Variants in TIMD4 observed in about 807,000 individuals in gnomAD.
TIMD4 encodes the protein T cell immunoglobulin and mucin domain containing 4.
Under a neutral mutation model 41.2 loss-of-function variants are expected in TIMD4, and 31 were observed. The observed-to-expected ratio is 0.75, with a 90% confidence interval of 0.57 to 1.01. The LOEUF is 1.01. TIMD4 is among the 50% of genes least tolerant of loss of function. The pLI is 0.00. For synonymous variants in TIMD4, 204 were observed against 177.1 expected (o/e 1.15, Z -1.21); for missense variants, 479 against 472.5 (o/e 1.01, Z -0.13).
At chr5:156,951,422 T>TCA (rs1759850567) in intron 3 of TIMD4, 90 bp downstream of exon 3, 110 of 1,469,794 alleles carry the variant, frequency 7.5e-5, no homozygotes, top group Non-Finnish European at 8.7e-5. Context: ...ACGCACACAC[T>TCA]CACACACACA....
chr5:156,948,130 G>A (rs1394676523), intron 5 of TIMD4, among the ~76,000 whole-genome samples: 1 of 152,086 alleles, frequency 6.6e-6, no homozygotes, highest in Non-Finnish European at 1.5e-5. Flanking sequence ...CCACGAAGGA[G>A]CCAGAATAGT....
chr5:156,957,208 T>A (rs180825435), intron 1 of TIMD4, among the ~76,000 whole-genome samples: 25 of 152,246 alleles, frequency 1.6e-4, no homozygotes, highest in Middle Eastern at 3.4e-3. Context: ...TGGAAATGTT[T>A]CCCAGATTAT....
rs376794146 is a variant in TIMD4 at position 156,963,221 on chromosome 5, G to T, written c.-23C>A. 120 of 1,613,824 alleles carry T rather than the reference G, an allele frequency of 7.4e-5. No homozygotes were observed. The highest frequency in any genetic ancestry group is 9.6e-5 in the Non-Finnish European group (113 of 1,179,832). ...CATTTTGACGGTTGACCGGACCCAG[G>T]AGTCTGTCTATCTATCCAAAGCCCA... On this transcript the variant is annotated 5_prime_UTR_variant, in exon 1 of 9. Coordinates refer to ENST00000274532, the MANE Select transcript of TIMD4 (RefSeq NM_138379.3).
rs193211237 is a variant in TIMD4 at position 156,933,606 on chromosome 5, C to A, written c.845-7294G>T. Among the ~76,000 whole-genome samples, 10 of 150,566 alleles carry A rather than the reference C, an allele frequency of 6.6e-5. No individual in the cohort carries two copies. The East Asian group carries it at 2.0e-3, about 30-fold the overall frequency. On this transcript the variant is annotated intron_variant, in intron 5 of 8. Coordinates refer to ENST00000274532, the MANE Select transcript of TIMD4 (RefSeq NM_138379.3). The stretch of plus-strand genomic sequence containing the variant: ...TGTTTGAGACAGAGTCTCACTCTGT[C>A]TCCCAGACTGGAGTGCAGTGGTGCG...
At chr5:156,950,214 C>G (rs1421450093) in intron 3 of TIMD4, among the ~76,000 whole-genome samples, 1 of 152,144 alleles carries the variant, frequency 6.6e-6, no homozygotes, top group African/African-American at 2.4e-5. Flanking sequence ...GATCCTCCTG[C>G]GTCAACCTCT....
chr5:156,947,054 C>T (rs1759757572), intron 5 of TIMD4, among the ~76,000 whole-genome samples: 3 of 151,846 alleles, frequency 2.0e-5, no homozygotes, highest in Non-Finnish European at 4.4e-5. Context: ...AAAAATTAGC[C>T]AGGCATGGTG....
rs114506277 is a variant in TIMD4 at position 156,937,465 on chromosome 5, C to G, written c.844+10951G>C. On this transcript the variant is annotated intron_variant, in intron 5 of 8. Coordinates refer to ENST00000274532, the MANE Select transcript of TIMD4 (RefSeq NM_138379.3). Reference sequence around the variant, plus strand: ...GTGAAATCAGAGACCTCTCCAGTGCCTAGAAACCCCTCCCTGGCTCTGCAT... The same window carrying G: ...GTGAAATCAGAGACCTCTCCAGTGCGTAGAAACCCCTCCCTGGCTCTGCAT... Among the ~76,000 whole-genome samples, 1,386 of 152,306 alleles carry G rather than the reference C, an allele frequency of 9.1e-3. 16 individuals carry two copies. Among genetic ancestry groups the G allele is most frequent in the African/African-American group, 0.031 (1,306 of 41,556 alleles).
At chr5:156,920,067 A>T (rs917937260) in intron 8 of TIMD4, among the ~76,000 whole-genome samples, 2 of 152,204 alleles carry the variant, frequency 1.3e-5, no homozygotes, top group Non-Finnish European at 2.9e-5. Flanking sequence ...GGGCAGAGGA[A>T]CCAACTCCCA....
rs562289861 is a variant in TIMD4, at chr5:156,922,154, G to A, written c.957C>T (p.Ile319=). The change falls in exon 7 of 9, where the codon ATC becomes ATT. Residue 319 remains isoleucine (I), a synonymous_variant. Transcript: ENST00000274532. ...EMPISQLLMI[I]APSLGFVLFA... ...AGAGCACAAATCCCAAGGAGGGGGC[G>A]ATGATCATCAGTAGTTGGGAGATGG... 2.7e-5 allele frequency: 43 copies of A among 1,614,022 alleles called. No individual in the cohort carries two copies. The Admixed American group carries it at 5.7e-4, about 21-fold the overall frequency.
chr5:156,924,107 A>T, intron 6 of TIMD4: 1 of 252,340 alleles, frequency 4.0e-6, no homozygotes, highest in Non-Finnish European at 7.8e-6. Context: ...GAAAGTCCCC[A>T]CTGCCAGTAA....
chr5:156,940,028 C>A lies in TIMD4; in HGVS notation c.844+8388G>T, dbSNP rs368658115. ...TGTTGCCGAGGCTGGACTGTACTGC[C>A]GCGATCTCGGCTCACTGCAACCTCC... is the stretch of plus-strand genomic sequence containing the variant. On this transcript the variant is annotated intron_variant, in intron 5 of 8. Coordinates refer to ENST00000274532, the MANE Select transcript of TIMD4 (RefSeq NM_138379.3). 1.5e-3 allele frequency among the ~76,000 whole-genome samples: 230 copies of A among 152,366 alleles called. 1 individual carries two copies. Among genetic ancestry groups the A allele is most frequent in the African/African-American group, 5.4e-3 (223 of 41,596 alleles).
chr5:156,936,357 T>C (rs116333594), intron 5 of TIMD4, among the ~76,000 whole-genome samples: 19 of 152,364 alleles, frequency 1.2e-4, no homozygotes, highest in African/African-American at 4.6e-4. Flanking sequence ...GGCTACCATA[T>C]ACTGAGCACT....
At chr5:156,938,357 C>A (rs1407754646) in intron 5 of TIMD4, among the ~76,000 whole-genome samples, 1 of 152,176 alleles carries the variant, frequency 6.6e-6, no homozygotes, top group Non-Finnish European at 1.5e-5. Context: ...CATATGATTT[C>A]TTGACCCCAC....
chr5:156,961,742 G>GCAGTGAGC (rs1241491258), intron 1 of TIMD4, among the ~76,000 whole-genome samples: 1 of 132,410 alleles, frequency 7.6e-6, no homozygotes, highest in Non-Finnish European at 1.5e-5. Context: ...GGCAGAGCTT[G>GCAGTGAGC]CAGTGAGCCG....
chr5:156,948,338 A>AT, intron 5 of TIMD4, 78 bp downstream of exon 5: 2 of 852,820 alleles, frequency 2.3e-6, no homozygotes, highest in African/African-American at 1.8e-5. Context: ...AAAAAAAAAA[A>AT]GCAAGATTCT....
intron 8 of TIMD4, among the ~76,000 whole-genome samples, chr5:156,920,151 GC>G (rs1759208082): frequency 6.6e-6 from 1 of 152,060 alleles, no homozygotes; most frequent in Non-Finnish European, 1.5e-5. Flanking sequence ...TTTAACAATG[GC>G]CTCTTAAACT....
chr5:156,931,332 G>A (rs1265428093), intron 5 of TIMD4, among the ~76,000 whole-genome samples: 1 of 152,170 alleles, frequency 6.6e-6, no homozygotes, highest in African/African-American at 2.4e-5. Context: ...AGAGACAGTG[G>A]TTCCTAAGAC....
intron 4 of TIMD4, among the ~76,000 whole-genome samples, chr5:156,949,418 CCCT>C (rs150412627): frequency 0.55 from 80,234 of 145,874 alleles, 22,496 homozygotes; most frequent in East Asian, 0.73. Context: ...TTCCCTACCT[CCCT>C]CCTCCTCCTC....
rs183952714 is a variant in TIMD4 at position 156,936,919 on chromosome 5, G to A, written c.845-10607C>T. On this transcript the variant is annotated intron_variant, in intron 5 of 8. Transcript: ENST00000274532. ...TGCCCTCCAGCCTGGGTAAGAGAGC[G>A]AGACTCCGTCTGGAAAAAAAAAAAA... is the stretch of plus-strand genomic sequence containing the variant. Among the ~76,000 whole-genome samples the A allele has an allele frequency of 2.0e-3, 278 of 140,884 alleles. 1 individual carries two copies. The highest frequency in any genetic ancestry group is 5.5e-3 in the Admixed American group (77 of 14,010). The allele number at this position is 140,884 out of a possible 152,430, so 92.4% of individuals were successfully genotyped here. A position where few individuals can be genotyped will look rare whatever the true frequency, so the allele number is the denominator to read the frequency against.
Sources: allele counts gnomAD v4.1 joint callset (sites outside exome capture counted in the v4.1 genomes callset), GRCh38; gene constraint gnomAD v4.1.1; transcripts MANE v1.5; gene names NCBI Gene and HGNC (gene_info 2026-07-23, HGNC 2026-07-21).